IQCM: variants seen among roughly 807,000 people sequenced by gnomAD.
The protein encoded by IQCM is IQ motif containing M.
Under a neutral mutation model 57.6 loss-of-function variants are expected in IQCM, and 45 were observed. The observed-to-expected ratio is 0.78, with a 90% CI of 0.62 to 1.00. The LOEUF (loss-of-function observed/expected upper bound fraction) is 1.00. Ranked by LOEUF, IQCM falls within the 50% of genes least tolerant of loss-of-function variation. The pLI, the probability that IQCM is intolerant of heterozygous loss-of-function variation, is 0.00. For missense variants in IQCM, 468 were observed against 511.6 expected, an observed-to-expected ratio of 0.91 and a Z score of 0.82; for synonymous variants, 148 against 158.9, an observed-to-expected ratio of 0.93 and a Z score of 0.51.
intron 12 of IQCM, among the ~76,000 whole-genome samples, chr4:149,456,726 T>C (rs1737744664): frequency 6.6e-6 from 1 of 152,078 alleles, no homozygotes; most frequent in Non-Finnish European, 1.5e-5. Context: ...TAACCTACTT[T>C]AGAGAAAAGT....
At chr4:149,659,787 G>T (rs1393514197) in intron 7 of IQCM, among the ~76,000 whole-genome samples, 2 of 151,824 alleles carry the variant, frequency 1.3e-5, no homozygotes, top group African/African-American at 4.8e-5. Context: ...TATGTAGAAA[G>T]CTGAAACTGG....
chr4:149,692,868 C>T (rs900434383), intron 5 of IQCM, among the ~76,000 whole-genome samples: 5 of 152,006 alleles, frequency 3.3e-5, no homozygotes, highest in Admixed American at 2.6e-4. Flanking sequence ...GATTAGAATA[C>T]TCATTCAAAG....
At chr4:149,521,661 G>A (rs933787801) in intron 12 of IQCM, among the ~76,000 whole-genome samples, 57 of 152,300 alleles carry the variant, frequency 3.7e-4, no homozygotes, top group African/African-American at 1.3e-3. Flanking sequence ...ATCTAACAGC[G>A]ACAGCATTAA....
At chr4:149,775,352 A>G (rs1052854586) in intron 2 of IQCM, among the ~76,000 whole-genome samples, 1 of 152,182 alleles carries the variant, frequency 6.6e-6, no homozygotes, top group Non-Finnish European at 1.5e-5. Context: ...TAAGATTTAC[A>G]AAAGGGAATC....
intron 13 of IQCM, among the ~76,000 whole-genome samples, chr4:149,407,321 T>C (rs187725613): frequency 4.3e-4 from 65 of 152,284 alleles, no homozygotes; most frequent in African/African-American, 1.5e-3. Flanking sequence ...TTGAAATTAA[T>C]TTTTAAACAA....
At chr4:149,496,488 G>A (rs6855571) in intron 12 of IQCM, among the ~76,000 whole-genome samples, 90,718 of 151,926 alleles carry the variant, frequency 0.6, 27,698 homozygotes, top group African/African-American at 0.71. Flanking sequence ...GAGAGTCAGA[G>A]TCAGAGGAGA....
Position 149,603,018 on chromosome 4 carries a change from A to C in IQCM, c.682-15021T>G, listed in dbSNP as rs545516650. On this transcript the variant is annotated intron_variant, in intron 8 of 13. Coordinates refer to ENST00000636793, the MANE Select transcript of IQCM (RefSeq NM_001363507.2). Reference sequence around the variant, plus strand: ...TAAATCTACAATAACTTAACTACAAATATAGTGTACTACATTTTGCCAAAG... The same window carrying C: ...TAAATCTACAATAACTTAACTACAACTATAGTGTACTACATTTTGCCAAAG... Among the ~76,000 whole-genome samples the C allele has an allele frequency of 1.2e-3, 178 of 152,244 alleles. 1 individual carries two copies. The Middle Eastern group carries it at 0.014, about 12-fold the overall frequency.
chr4:149,707,604 A>G (rs181849892), intron 5 of IQCM, among the ~76,000 whole-genome samples: 48 of 151,966 alleles, frequency 3.2e-4, no homozygotes, highest in Non-Finnish European at 2.9e-4. Context: ...ACATCTCTCA[A>G]CTCTAACACA....
chr4:149,522,037 C>A (rs1177309427), intron 12 of IQCM, among the ~76,000 whole-genome samples: 2 of 152,144 alleles, frequency 1.3e-5, no homozygotes, highest in African/African-American at 4.8e-5. Flanking sequence ...GCTGCCAATT[C>A]CAGGGAGCAT....
chr4:149,415,237 C>A (rs1476782017), intron 13 of IQCM, among the ~76,000 whole-genome samples: 1 of 152,144 alleles, frequency 6.6e-6, no homozygotes, highest in African/African-American at 2.4e-5. Flanking sequence ...CAATCATTGG[C>A]TTCTGAAGAA....
At chr4:149,448,440 A>G (rs905315558) in intron 12 of IQCM, among the ~76,000 whole-genome samples, 5 of 151,552 alleles carry the variant, frequency 3.3e-5, no homozygotes, top group Non-Finnish European at 5.9e-5. Context: ...TTGCCTTAAA[A>G]CTCTTGAAAA....
At chr4:149,357,771 G>C (rs1729117014) in intron 13 of IQCM, among the ~76,000 whole-genome samples, 2 of 152,174 alleles carry the variant, frequency 1.3e-5, no homozygotes, top group African/African-American at 4.8e-5. Flanking sequence ...AAATGAGTTA[G>C]GGAGGATTCC....
intron 2 of IQCM, among the ~76,000 whole-genome samples, chr4:149,755,074 T>G (rs545108226): frequency 6.6e-6 from 1 of 152,294 alleles, no homozygotes; most frequent in East Asian, 1.9e-4. Flanking sequence ...CAGCTCTACC[T>G]TCAAAATATA....
intron 13 of IQCM, among the ~76,000 whole-genome samples, chr4:149,389,029 T>C (rs564967953): frequency 1.6e-4 from 25 of 151,820 alleles, no homozygotes; most frequent in African/African-American, 5.8e-4. Flanking sequence ...TTATTTGTGC[T>C]TTTTTTGTCT....
intron 7 of IQCM, among the ~76,000 whole-genome samples, chr4:149,638,253 A>T (rs1757888922): frequency 1.3e-5 from 2 of 152,184 alleles, no homozygotes; most frequent in South Asian, 2.1e-4. Flanking sequence ...AACATGATTA[A>T]AATGAGATTG....
intron 2 of IQCM, among the ~76,000 whole-genome samples, chr4:149,767,582 T>A (rs1304352360): frequency 1.3e-5 from 2 of 152,076 alleles, no homozygotes; most frequent in Admixed American, 1.3e-4. Flanking sequence ...GGTGCTAACA[T>A]CAGTATTGGA....
chr4:149,577,134 C>T (rs1182038135), intron 9 of IQCM, among the ~76,000 whole-genome samples: 6 of 151,884 alleles, frequency 4.0e-5, no homozygotes, highest in Admixed American at 1.3e-4. Flanking sequence ...GATATTAGAC[C>T]TCTGTCAGAT....
intron 13 of IQCM, among the ~76,000 whole-genome samples, chr4:149,410,569 A>G (rs562505338): frequency 4.0e-5 from 6 of 151,768 alleles, no homozygotes; most frequent in African/African-American, 1.4e-4. Flanking sequence ...GTCATGAAAA[A>G]TTTGTATTTC....
chr4:149,564,929 C>T lies in IQCM; in HGVS notation c.750-1039G>A, dbSNP rs187515557. ...AGATTTACTACCATTAACAGATTAT[C>T]TGTAATCTTGGTAACCTTGTGTCAG... On this transcript the variant is annotated intron_variant, in intron 9 of 13. Transcript: ENST00000636793. Among the ~76,000 whole-genome samples the T allele has an allele frequency of 2.0e-5, 3 of 152,258 alleles. No homozygotes were observed. In the East Asian group the frequency reaches 5.8e-4, roughly 29 times the overall value.
Sources: gnomAD v4.1 joint callset for allele counts (sites outside exome capture counted in the v4.1 genomes callset) on GRCh38, gnomAD v4.1.1 for gene constraint, MANE v1.5 for transcripts, NCBI Gene and HGNC (gene_info 2026-07-23, HGNC 2026-07-21) for gene names.